Variants in COL27A1 observed in about 807,000 individuals in gnomAD.
COL27A1 encodes the protein collagen type XXVII alpha 1 chain.
In COL27A1, 106 loss-of-function variants were observed where a neutral mutation model predicts 251.3. The observed-to-expected ratio is 0.42, with a 90% CI of 0.36 to 0.50. The LOEUF (loss-of-function observed/expected upper bound fraction) is 0.50, where lower values mean the gene tolerates loss of function less well. Ranked by LOEUF, COL27A1 falls within the 20% of genes least tolerant of loss-of-function variation. The pLI is 0.00. For missense variants in COL27A1, 2,325 were observed against 2,522.8 expected (o/e 0.92, Z 1.68); for synonymous variants, 1,000 against 986.3 (o/e 1.01, Z -0.26).
chr9:114,242,859 G>T (rs547460900), intron 22 of COL27A1, among the ~76,000 whole-genome samples: 1 of 152,274 alleles, frequency 6.6e-6, no homozygotes, highest in East Asian at 1.9e-4. Context: ...TATATTTTTA[G>T]GAGAATTCAC....
intron 27 of COL27A1, among the ~76,000 whole-genome samples, chr9:114,257,862 G>T (rs1834038221): frequency 6.6e-6 from 1 of 152,152 alleles, no homozygotes; most frequent in Admixed American, 6.5e-5. Context: ...TCTGGTGGGG[G>T]AGAAAAAGGG....
chr9:114,209,506 A>G (rs1356418764), intron 10 of COL27A1, 169 bp from the exon 11 acceptor site: 2 of 782,996 alleles, frequency 2.6e-6, no homozygotes, highest in Non-Finnish European at 2.4e-6. Context: ...GGGCATATAC[A>G]CTTGCCTCAA....
intron 25 of COL27A1, among the ~76,000 whole-genome samples, chr9:114,250,885 GAC>G (rs1246399480): frequency 6.6e-6 from 1 of 152,126 alleles, no homozygotes; most frequent in East Asian, 1.9e-4. Context: ...AGCACAGTTA[GAC>G]TTTTGTGTGA....
At chr9:114,202,114 C>A (rs1056125433) in intron 7 of COL27A1, among the ~76,000 whole-genome samples, 1 of 152,248 alleles carries the variant, frequency 6.6e-6, no homozygotes, top group Non-Finnish European at 1.5e-5. Flanking sequence ...TGCCACTGTG[C>A]ATGCCCGTGA....
chr9:114,241,922 C>T (rs547405545), intron 21 of COL27A1, among the ~76,000 whole-genome samples: 17 of 152,322 alleles, frequency 1.1e-4, no homozygotes, highest in African/African-American at 3.8e-4. Context: ...CAGCACACAA[C>T]GGGGTTTAAC....
rs1829440373 is a variant in COL27A1 at position 114,311,441 on chromosome 9, TTCTC to T, written c.*751_*754del. ...TGGATGTGGGGCATCATCCGCATCT[TTCTC>T]TCTCCTCCAAATGACAAAGTTTGGG... On this transcript the variant is annotated 3_prime_UTR_variant, in exon 61 of 61. Coordinates refer to ENST00000356083, the MANE Select transcript of COL27A1 (RefSeq NM_032888.4). 1 of 151,904 alleles carries T rather than the reference TTCTC, an allele frequency of 6.6e-6. No individual in the cohort carries two copies. The highest frequency in any genetic ancestry group is 2.4e-5 in the African/African-American group (1 of 41,390). 9.4% of individuals were successfully genotyped at this position (151,904 alleles called of 1,614,324 possible). A position where few individuals can be genotyped will look rare whatever the true frequency, so the allele number is the denominator to read the frequency against.
At chr9:114,252,828 A>G in intron 26 of COL27A1, 51 bp from the exon 27 acceptor site, 1 of 1,581,124 alleles carries the variant, frequency 6.3e-7, no homozygotes, top group South Asian at 1.1e-5. Flanking sequence ...GTGGGACTGA[A>G]GGAGGAAGCT....
At chr9:114,252,989 G>A (rs1833646207) in intron 27 of COL27A1, 57 bp downstream of exon 27, 1 of 1,432,176 alleles carries the variant, frequency 7.0e-7, no homozygotes, top group Non-Finnish European at 9.7e-7. Flanking sequence ...AGGGTTAGGT[G>A]GCTGGGTGTG....
At chr9:114,241,312 C>T (rs1386623810) in intron 21 of COL27A1, among the ~76,000 whole-genome samples, 2 of 152,248 alleles carry the variant, frequency 1.3e-5, no homozygotes, top group South Asian at 2.1e-4. Flanking sequence ...CGACCGCAGG[C>T]GGGCATCCAG....
chr9:114,210,638 C>G (rs10982105), intron 11 of COL27A1, among the ~76,000 whole-genome samples: 43,532 of 152,032 alleles, frequency 0.29, 7,378 homozygotes, highest in East Asian at 0.64. Context: ...GTGGTGGCCT[C>G]GGGATCTTCC....
At chr9:114,161,845 C>T (rs1848514627) in intron 1 of COL27A1, among the ~76,000 whole-genome samples, 1 of 152,242 alleles carries the variant, frequency 6.6e-6, no homozygotes, top group African/African-American at 2.4e-5. Flanking sequence ...AGCTTTAACC[C>T]TTCCTGGCCC....
rs754026303 is a variant in COL27A1, at chr9:114,290,157, C to G, written c.4260+46C>G. The G allele has an allele frequency of 2.5e-6, 4 of 1,596,240 alleles. No homozygotes were observed. In the East Asian group the frequency reaches 9.0e-5, roughly 36 times the overall value. On this transcript the variant is annotated intron_variant, in intron 46 of 60. Coordinates refer to ENST00000356083, the MANE Select transcript of COL27A1 (RefSeq NM_032888.4). This position sits in a 1 kb window ranked among gnomAD's most constrained non-coding sequence, Gnocchi z 4.6. ...TTTCCAGCCAACCTCCCTGCCCGCCCCCCACACCCGCCCTCCTCCCACTCC... is the reference window on the plus strand; with the variant it reads ...TTTCCAGCCAACCTCCCTGCCCGCCGCCCACACCCGCCCTCCTCCCACTCC...
chr9:114,220,158 C>A (rs1302073320), intron 13 of COL27A1, among the ~76,000 whole-genome samples: 2 of 152,348 alleles, frequency 1.3e-5, no homozygotes, highest in Admixed American at 1.3e-4. Context: ...CCAGCTGCTG[C>A]CATCTTACAC....
chr9:114,289,123 G>A (rs773117709), intron 44 of COL27A1, 119 bp from the exon 45 acceptor site: 151 of 1,382,000 alleles, frequency 1.1e-4, no homozygotes, highest in Non-Finnish European at 1.4e-4. Flanking sequence ...CCCTGGGGAT[G>A]CCCCCAGAAC....
chr9:114,252,464 G>A (rs546966520), intron 25 of COL27A1, 129 bp from the exon 26 acceptor site: 1 of 750,334 alleles, frequency 1.3e-6, no homozygotes, highest in African/African-American at 1.7e-5. Flanking sequence ...ACTAGGCAGG[G>A]ACCCTCTAGA....
chr9:114,221,852 G>A (rs1831131332), intron 13 of COL27A1, among the ~76,000 whole-genome samples: 2 of 152,208 alleles, frequency 1.3e-5, no homozygotes, highest in South Asian at 2.1e-4. Context: ...CCTGGCCTTG[G>A]GTGAATCACT....
chr9:114,267,171 T>G (rs944635820), intron 33 of COL27A1, among the ~76,000 whole-genome samples: 1 of 152,178 alleles, frequency 6.6e-6, no homozygotes, highest in Admixed American at 6.5e-5. Context: ...AAACACAGCA[T>G]CCAATGGCTT....
At chr9:114,159,894 C>A (rs996220074) in intron 1 of COL27A1, among the ~76,000 whole-genome samples, 8 of 152,200 alleles carry the variant, frequency 5.3e-5, no homozygotes, top group African/African-American at 1.9e-4. Context: ...CATGCTATTG[C>A]CATTTGCTTC....
At chr9:114,289,756 C>T (rs946454563) in intron 45 of COL27A1, among the ~76,000 whole-genome samples, 6 of 152,138 alleles carry the variant, frequency 3.9e-5, no homozygotes, top group African/African-American at 1.4e-4. Flanking sequence ...GCCCCCCTCA[C>T]CTGCCTGCCT....
Sources: allele counts gnomAD v4.1 joint callset (sites outside exome capture counted in the v4.1 genomes callset), GRCh38; gene constraint gnomAD v4.1.1; non-coding constraint Gnocchi (gnomAD v3.1); transcripts MANE v1.5; gene names NCBI Gene and HGNC (gene_info 2026-07-23, HGNC 2026-07-21).